Variants in NRXN1 observed in about 807,000 individuals in gnomAD.
NRXN1 encodes neurexin 1.
NRXN1 carries 39 observed loss-of-function variants against 150.9 expected under a neutral mutation model. The observed-to-expected ratio is 0.26, with a 90% CI of 0.20 to 0.34. The LOEUF (loss-of-function observed/expected upper bound fraction) is 0.34. NRXN1 is among the 10% of genes least tolerant of loss of function. NRXN1 has a pLI of 1.00. For synonymous variants in NRXN1, 924 were observed against 757.0 expected, an observed-to-expected ratio of 1.22 and a Z score of -3.62; for missense variants, 1,815 against 1,949.9, an observed-to-expected ratio of 0.93 and a Z score of 1.30.
At chr2:50,534,398 G>A (rs868265906) in intron 10 of NRXN1, among the ~76,000 whole-genome samples, 3 of 152,116 alleles carry the variant, frequency 2.0e-5, no homozygotes, top group Middle Eastern at 6.8e-3. Context: ...AAAATATAGT[G>A]GTTCTATATA....
intron 5 of NRXN1, among the ~76,000 whole-genome samples, chr2:50,883,808 C>G (rs986071530): frequency 2.0e-5 from 3 of 151,698 alleles, no homozygotes; most frequent in African/African-American, 7.3e-5. Context: ...ATTCAAGTCT[C>G]CTGACACAGA....
intron 5 of NRXN1, among the ~76,000 whole-genome samples, chr2:50,877,820 T>C (rs939999956): frequency 6.6e-6 from 1 of 151,922 alleles, no homozygotes; most frequent in African/African-American, 2.4e-5. Flanking sequence ...AGCAAAGCCA[T>C]GCTCTGTGGG....
At position 50,933,939 on chromosome 2, in the gene NRXN1, T is replaced by C. The variant is rs180852857; in HGVS notation, c.773-7984A>G. On this transcript the variant is annotated intron_variant, in intron 2 of 22. Coordinates refer to ENST00000401669, the MANE Select transcript of NRXN1 (RefSeq NM_001330078.2). ...GAAGACGGTATACTTAATTACTTCT[T>C]CAAATTTGTTTAAACTGCTTTCTAT... Among the ~76,000 whole-genome samples, 270 of 152,262 alleles carry C rather than the reference T, an allele frequency of 1.8e-3. 4 individuals carry two copies. Among genetic ancestry groups the C allele is most frequent in the African/African-American group, 6.2e-3 (258 of 41,572 alleles).
At chr2:50,740,209 T>C (rs1699267495) in intron 5 of NRXN1, among the ~76,000 whole-genome samples, 1 of 152,198 alleles carries the variant, frequency 6.6e-6, no homozygotes, top group Admixed American at 6.5e-5. Flanking sequence ...GACATGAGTC[T>C]TGATTAGCCA....
intron 2 of NRXN1, among the ~76,000 whole-genome samples, chr2:50,958,758 T>C (rs539958156): frequency 1.3e-5 from 2 of 152,234 alleles, no homozygotes; most frequent in East Asian, 3.9e-4. Context: ...AGAGTGAGCA[T>C]TCTTGTCTTG....
intron 17 of NRXN1, among the ~76,000 whole-genome samples, chr2:50,369,176 C>T (rs1293015315): frequency 2.0e-5 from 3 of 151,696 alleles, no homozygotes; most frequent in South Asian, 2.1e-4. Context: ...ATGTCTAGCT[C>T]AGAGAAAGAG....
At chr2:50,031,008 A>G (rs1296964723) in intron 21 of NRXN1, among the ~76,000 whole-genome samples, 1 of 152,064 alleles carries the variant, frequency 6.6e-6, no homozygotes, top group South Asian at 2.1e-4. Flanking sequence ...GGGACAAAAA[A>G]GGGTTCCTGG....
chr2:50,044,529 A>T (rs1396818431), intron 21 of NRXN1, among the ~76,000 whole-genome samples: 1 of 152,190 alleles, frequency 6.6e-6, no homozygotes, highest in South Asian at 2.1e-4. Context: ...CTTAAGAAGC[A>T]TGTTTCCCCA....
chr2:50,853,536 T>G (rs1180996512), intron 5 of NRXN1, among the ~76,000 whole-genome samples: 1 of 152,106 alleles, frequency 6.6e-6, no homozygotes, highest in Non-Finnish European at 1.5e-5. Context: ...TGTAGTAACA[T>G]TTCTATTCAC....
intron 21 of NRXN1, among the ~76,000 whole-genome samples, chr2:49,987,011 G>A (rs1372535800): frequency 6.6e-6 from 1 of 151,872 alleles, no homozygotes; most frequent in Non-Finnish European, 1.5e-5. Flanking sequence ...GCTGCAGTGA[G>A]CCACTGCGTT....
At chr2:49,946,473 T>C (rs568652675) in intron 21 of NRXN1, among the ~76,000 whole-genome samples, 2 of 152,294 alleles carry the variant, frequency 1.3e-5, no homozygotes, top group African/African-American at 4.8e-5. Flanking sequence ...GTGTCCTAAA[T>C]GGTATTGCCT....
chr2:50,624,093 C>T (rs180958629), intron 5 of NRXN1, among the ~76,000 whole-genome samples: 138 of 152,108 alleles, frequency 9.1e-4, no homozygotes, highest in Non-Finnish European at 1.6e-3. Context: ...CTTCATCACA[C>T]GTATGTTTAT....
At chr2:50,442,073 C>T (rs149226090) in intron 17 of NRXN1, among the ~76,000 whole-genome samples, 2 of 152,264 alleles carry the variant, frequency 1.3e-5, no homozygotes, top group East Asian at 3.9e-4. Flanking sequence ...ATACTGCATA[C>T]TTTCTATAGT....
chr2:50,302,322 T>G (rs1270942933), intron 17 of NRXN1, among the ~76,000 whole-genome samples: 1 of 152,198 alleles, frequency 6.6e-6, no homozygotes, highest in African/African-American at 2.4e-5. Context: ...AATTAAAGTT[T>G]CATAAATGCA....
intron 21 of NRXN1, among the ~76,000 whole-genome samples, chr2:49,988,141 T>G (rs370828619): frequency 6.6e-6 from 1 of 152,110 alleles, no homozygotes; most frequent in Non-Finnish European, 1.5e-5. Context: ...TTGGGAAATA[T>G]ATATTAAAGA....
At chr2:50,909,223 TAAAG>T (rs1382462111) in intron 5 of NRXN1, among the ~76,000 whole-genome samples, 3 of 151,920 alleles carry the variant, frequency 2.0e-5, no homozygotes, top group South Asian at 2.1e-4. Flanking sequence ...TTGATTAAAA[TAAAG>T]AAAAACTTTT....
chr2:50,419,671 G>A (rs1358691854), intron 17 of NRXN1, among the ~76,000 whole-genome samples: 2 of 151,828 alleles, frequency 1.3e-5, no homozygotes, highest in African/African-American at 4.8e-5. Flanking sequence ...TTACAAATTT[G>A]CATACATACA....
chr2:51,015,074 G>T (rs1482082551), intron 2 of NRXN1, among the ~76,000 whole-genome samples: 1 of 151,978 alleles, frequency 6.6e-6, no homozygotes, highest in East Asian at 1.9e-4. Context: ...GTATGTTCCT[G>T]TCCTGTCTTC....
intron 5 of NRXN1, among the ~76,000 whole-genome samples, chr2:50,730,086 A>G (rs1314664992): frequency 1.3e-5 from 2 of 152,148 alleles, no homozygotes; most frequent in African/African-American, 4.8e-5. Context: ...ACATATTATT[A>G]ATAGAAGCAG....
Sources: allele counts gnomAD v4.1 joint callset (sites outside exome capture counted in the v4.1 genomes callset), GRCh38; gene constraint gnomAD v4.1.1; transcripts MANE v1.5; gene names NCBI Gene and HGNC (gene_info 2026-07-23, HGNC 2026-07-21).